Variants in OPCML observed in about 807,000 individuals in gnomAD.
The protein encoded by OPCML is opioid-binding protein/cell adhesion molecule.
OPCML carries 13 observed loss-of-function variants against 37.8 expected under a neutral mutation model. That is an observed-to-expected ratio of 0.34 (90% CI 0.22 to 0.55). OPCML has a LOEUF of 0.55. Among genes scored for constraint, OPCML ranks in the 20% least tolerant of loss-of-function variants. OPCML has a pLI of 0.91. For missense variants in OPCML, 341 were observed against 435.6 expected (o/e 0.78, Z 1.93); for synonymous variants, 176 against 168.8 (o/e 1.04, Z -0.33).
intron 4 of OPCML, among the ~76,000 whole-genome samples, chr11:132,489,095 T>C (rs2096208372): frequency 6.6e-6 from 1 of 152,260 alleles, no homozygotes; most frequent in Non-Finnish European, 1.5e-5. Context: ...TTTCATTATA[T>C]CCTTATTCCT....
chr11:132,653,269 G>T (rs982240281), intron 3 of OPCML, among the ~76,000 whole-genome samples: 1 of 152,158 alleles, frequency 6.6e-6, no homozygotes, highest in African/African-American at 2.4e-5. Context: ...GAGGATGAAT[G>T]CTCTCAGTTT....
At chr11:133,087,470 T>G (rs1239026704) in intron 1 of OPCML, among the ~76,000 whole-genome samples, 2 of 152,158 alleles carry the variant, frequency 1.3e-5, no homozygotes, top group Non-Finnish European at 2.9e-5. Context: ...CCCCAGGGTC[T>G]ACTGTTCCCA....
rs779954541 is a variant in OPCML at position 133,208,403 on chromosome 11, C to T, written c.62-265393G>A. ...AGGGCCATAGGTTAGGATTTTATAA[C>T]TCTCTGGAGTTTACTCTGGGCGCAG... On this transcript the variant is annotated intron_variant, in intron 1 of 7. Transcript: ENST00000524381. This position sits in a 1 kb window ranked among gnomAD's most constrained non-coding sequence, Gnocchi z 8.9. Among the ~76,000 whole-genome samples, 1 of 152,178 alleles carries T rather than the reference C, an allele frequency of 6.6e-6. No homozygotes were observed. The highest frequency in any genetic ancestry group is 2.4e-5 in the African/African-American group (1 of 41,452).
intron 1 of OPCML, among the ~76,000 whole-genome samples, chr11:133,017,395 TATTTA>T (rs1190478480): frequency 4.0e-5 from 6 of 151,784 alleles, no homozygotes; most frequent in Non-Finnish European, 8.8e-5. Flanking sequence ...CTTTTCCTTT[TATTTA>T]TTTATTTTTT....
chr11:132,454,577 A>T (rs2136869740), intron 4 of OPCML, among the ~76,000 whole-genome samples: 1 of 152,322 alleles, frequency 6.6e-6, no homozygotes, highest in East Asian at 1.9e-4. Context: ...CCAGCTGAGG[A>T]CAGAGGACAG....
At chr11:132,828,708 G>T (rs1222777262) in intron 2 of OPCML, among the ~76,000 whole-genome samples, 7 of 152,118 alleles carry the variant, frequency 4.6e-5, no homozygotes, top group Non-Finnish European at 1.0e-4. Context: ...GGTATCCGAT[G>T]TTGGCTAGAA....
chr11:132,879,917 T>C (rs1943164183), intron 2 of OPCML, among the ~76,000 whole-genome samples: 1 of 152,220 alleles, frequency 6.6e-6, no homozygotes, highest in African/African-American at 2.4e-5. Flanking sequence ...CTATTCTGAA[T>C]TCCATTTCAT....
At chr11:133,427,689 G>A (rs887478777) in intron 1 of OPCML, among the ~76,000 whole-genome samples, 2 of 151,370 alleles carry the variant, frequency 1.3e-5, no homozygotes, top group African/African-American at 4.9e-5. Context: ...ATAGAAATAG[G>A]CAATTTATTG....
At chr11:132,798,156 C>T (rs749340011) in intron 2 of OPCML, among the ~76,000 whole-genome samples, 9 of 152,088 alleles carry the variant, frequency 5.9e-5, no homozygotes, top group African/African-American at 1.4e-4. Flanking sequence ...CCGCAACCTC[C>T]GCCTCAGGGA....
intron 2 of OPCML, among the ~76,000 whole-genome samples, chr11:132,778,466 T>G (rs1946882574): frequency 6.6e-6 from 1 of 152,188 alleles, no homozygotes; most frequent in Non-Finnish European, 1.5e-5. Context: ...CAAGAACATA[T>G]AATTTAGTGT....
chr11:132,574,183 T>C (rs2096444603), intron 3 of OPCML, among the ~76,000 whole-genome samples: 2 of 151,464 alleles, frequency 1.3e-5, no homozygotes, highest in South Asian at 4.1e-4. Flanking sequence ...AGGCAATTCT[T>C]AGTTTCATTA....
At chr11:133,046,848 C>A (rs1284098791) in intron 1 of OPCML, among the ~76,000 whole-genome samples, 1 of 152,196 alleles carries the variant, frequency 6.6e-6, no homozygotes, top group Non-Finnish European at 1.5e-5. Flanking sequence ...CTCTTCCAGA[C>A]CCATCACAAA....
intron 1 of OPCML, among the ~76,000 whole-genome samples, chr11:133,499,498 G>A (rs762538806): frequency 3.3e-5 from 5 of 151,852 alleles, no homozygotes; most frequent in African/African-American, 4.8e-5. Flanking sequence ...CTTTGCCACC[G>A]TGCTCACTCT....
At chr11:132,726,847 T>C (rs751918214) in intron 2 of OPCML, among the ~76,000 whole-genome samples, 7 of 152,222 alleles carry the variant, frequency 4.6e-5, no homozygotes, top group Admixed American at 2.0e-4. Context: ...CATGGTTCCA[T>C]GTGCCTGAAA....
At chr11:133,097,558 G>T (rs1949022115) in intron 1 of OPCML, among the ~76,000 whole-genome samples, 1 of 152,074 alleles carries the variant, frequency 6.6e-6, no homozygotes, top group Non-Finnish European at 1.5e-5. Flanking sequence ...AAAATGAACA[G>T]AGAAAATCAA....
chr11:133,485,062 A>G (rs990909165), intron 1 of OPCML, among the ~76,000 whole-genome samples: 1 of 152,186 alleles, frequency 6.6e-6, no homozygotes, highest in Admixed American at 6.5e-5. Flanking sequence ...ACTATTTTAG[A>G]GTTTTAAATA....
chr11:132,444,167 T>C (rs148310218), intron 4 of OPCML, among the ~76,000 whole-genome samples: 2 of 152,296 alleles, frequency 1.3e-5, no homozygotes, highest in African/African-American at 2.4e-5. Context: ...CACTTCTAGA[T>C]GGCAGCCTTA....
At chr11:132,667,248 A>C (rs565332919) in intron 2 of OPCML, among the ~76,000 whole-genome samples, 1 of 152,186 alleles carries the variant, frequency 6.6e-6, no homozygotes, top group African/African-American at 2.4e-5. Flanking sequence ...TCATTTTGCA[A>C]ATATTTACTG....
chr11:132,769,171 G>T lies in OPCML; in HGVS notation c.147-111852C>A, dbSNP rs187405581. On this transcript the variant is annotated intron_variant, in intron 2 of 7. Transcript: ENST00000524381. ...TGGGTTTGCCCATTGTGTTATTAGG[G>T]TCTACACTGAAAGAAGTGATAACTA... Among the ~76,000 whole-genome samples, 287 of 151,822 alleles carry T rather than the reference G, an allele frequency of 1.9e-3. 1 individual carries two copies. The highest frequency in any genetic ancestry group is 6.6e-3 in the African/African-American group (273 of 41,304).
Sources: allele counts gnomAD v4.1 joint callset (sites outside exome capture counted in the v4.1 genomes callset), GRCh38; gene constraint gnomAD v4.1.1; non-coding constraint Gnocchi (gnomAD v3.1); transcripts MANE v1.5; gene names NCBI Gene and HGNC (gene_info 2026-07-23, HGNC 2026-07-21).